CPVL: variants seen among roughly 807,000 people sequenced by gnomAD.
The protein encoded by CPVL is carboxypeptidase vitellogenic like.
A neutral mutation model predicts 63.7 loss-of-function variants in CPVL; 51 were observed. The ratio of observed to expected loss-of-function variants is 0.80; its 90% CI spans 0.64 to 1.01. CPVL has a LOEUF of 1.01. CPVL is among the 50% of genes least tolerant of loss of function. The pLI is 0.00. For synonymous variants in CPVL, 195 were observed against 206.0 expected (o/e 0.95, Z 0.46); for missense variants, 530 against 573.1 (o/e 0.92, Z 0.77).
chr7:29,088,952 C>T (rs185369448), intron 6 of CPVL, among the ~76,000 whole-genome samples: 2,346 of 152,142 alleles, frequency 0.015, 52 homozygotes, highest in Admixed American at 0.03. Context: ...TCCAGCCTGG[C>T]GACATAGTGA....
intron 1 of CPVL, among the ~76,000 whole-genome samples, chr7:29,123,035 G>A (rs1328475347): frequency 6.6e-6 from 1 of 152,032 alleles, no homozygotes; most frequent in African/African-American, 2.4e-5. Flanking sequence ...AAATGAAAGG[G>A]TACTCCACAC....
rs1169055679 is a variant in CPVL at position 29,120,838 on chromosome 7, A to AAC, written c.169+54_169+55insGT. 2.9e-6 allele frequency: 4 copies of AAC among 1,396,520 alleles called. No individual in the cohort carries two copies. The African/African-American group carries it at 4.4e-5, about 16-fold the overall frequency. The allele number at this position is 1,396,520 out of a possible 1,614,324, so 86.5% of individuals were successfully genotyped here. The stretch of plus-strand genomic sequence containing the variant: ...CGTCTCAAAAAAAAAAAAAAAAAAA[A>AAC]GAGAAACTGTTGAACTCATGCCAGT... On this transcript the variant is annotated intron_variant, in intron 2 of 12. Coordinates refer to ENST00000265394, the MANE Select transcript of CPVL (RefSeq NM_031311.5).
intron 7 of CPVL, among the ~76,000 whole-genome samples, chr7:29,077,607 T>C (rs1784356624): frequency 6.6e-6 from 1 of 152,176 alleles, no homozygotes; most frequent in South Asian, 2.1e-4. Context: ...AAAATCCTTC[T>C]TTGAAGAATT....
At position 29,103,183 on chromosome 7, in the gene CPVL, G is replaced by C. The variant is rs1293575751; in HGVS notation, c.289-6966C>G. On this transcript the variant is annotated intron_variant, in intron 3 of 12. Coordinates refer to ENST00000265394, the MANE Select transcript of CPVL (RefSeq NM_031311.5). The stretch of plus-strand genomic sequence containing the variant: ...CTGAAACAGTAAGTTAATATACTGG[G>C]GGGGGGGGGGGGGTGCTAAAAACTT... Among the ~76,000 whole-genome samples the C allele has an allele frequency of 9.3e-3, 290 of 31,126 alleles. 5 individuals carry two copies. The highest frequency in any genetic ancestry group is 0.013 in the Non-Finnish European group (216 of 16,084). 20.4% of individuals were successfully genotyped at this position (31,126 alleles called of 152,430 possible).
chr7:29,107,680 T>C (rs1171446402), intron 3 of CPVL, among the ~76,000 whole-genome samples: 1 of 152,228 alleles, frequency 6.6e-6, no homozygotes, highest in African/African-American at 2.4e-5. Context: ...AGAATCAGAA[T>C]CTCTGCTGGG....
At chr7:29,099,574 T>C (rs1293560526) in intron 3 of CPVL, among the ~76,000 whole-genome samples, 1 of 152,118 alleles carries the variant, frequency 6.6e-6, no homozygotes, top group East Asian at 1.9e-4. Context: ...TAGCTGGGCA[T>C]GGTGGCAGAT....
intron 1 of CPVL, chr7:29,194,268 C>T (rs866883306): frequency 6.6e-6 from 1 of 152,344 alleles, no homozygotes; most frequent in Admixed American, 6.5e-5. Flanking sequence ...GCGCCCGGCC[C>T]CGGCCTCCCC....
intron 5 of CPVL, among the ~76,000 whole-genome samples, chr7:29,155,183 C>T (rs1310677765): frequency 1.3e-5 from 2 of 152,062 alleles, no homozygotes; most frequent in Non-Finnish European, 2.9e-5. Context: ...CAAACCATAT[C>T]ACTCCATCTC....
intron 5 of CPVL, among the ~76,000 whole-genome samples, chr7:29,172,193 G>A (rs1796693162): frequency 6.6e-6 from 1 of 152,038 alleles, no homozygotes; most frequent in Non-Finnish European, 1.5e-5. Context: ...CTTTAATGGG[G>A]CATCTTACTG....
chr7:29,123,628 A>AAAAAAAAAAT (rs1562780901), intron 1 of CPVL, among the ~76,000 whole-genome samples: 1 of 41,754 alleles, frequency 2.4e-5, no homozygotes, highest in Non-Finnish European at 3.9e-5. Flanking sequence ...AAAAAAAAAA[A>AAAAAAAAAAT]ATATATATAT....
intron 5 of CPVL, among the ~76,000 whole-genome samples, chr7:29,159,278 C>T (rs919095301): frequency 5.9e-5 from 9 of 152,172 alleles, no homozygotes; most frequent in African/African-American, 1.4e-4. Context: ...GAAGAGGTCA[C>T]GTGGTTTTCC....
chr7:29,114,789 G>A (rs1788613363), intron 2 of CPVL, among the ~76,000 whole-genome samples: 1 of 152,162 alleles, frequency 6.6e-6, no homozygotes, highest in Admixed American at 6.5e-5. Context: ...TATGGAAGAT[G>A]TACTGCCTGT....
chr7:29,095,907 G>A (rs1309229518), intron 4 of CPVL, among the ~76,000 whole-genome samples, 196 bp downstream of exon 4: 1 of 152,162 alleles, frequency 6.6e-6, no homozygotes, highest in East Asian at 1.9e-4. Flanking sequence ...AATTTCAAGG[G>A]AGAAAGCAGC....
intron 3 of CPVL, among the ~76,000 whole-genome samples, chr7:29,112,163 C>T (rs2128630711): frequency 6.6e-6 from 1 of 152,280 alleles, no homozygotes; most frequent in African/African-American, 2.4e-5. Context: ...TTCTAAAGAT[C>T]CATAGAGTCT....
intron 6 of CPVL, among the ~76,000 whole-genome samples, chr7:29,087,423 CA>C (rs56726137): frequency 1.3e-3 from 91 of 71,396 alleles, no homozygotes; most frequent in Middle Eastern, 8.1e-3. Context: ...GACTCTGTCT[CA>C]AAAAAAAAAA....
chr7:29,063,322 G>A (rs1782812943), intron 11 of CPVL, among the ~76,000 whole-genome samples: 1 of 152,186 alleles, frequency 6.6e-6, no homozygotes, highest in Admixed American at 6.5e-5. Context: ...CTGTGATTGG[G>A]TAAAGTGAAT....
chr7:29,089,142 A>G (rs1163791834), intron 6 of CPVL, among the ~76,000 whole-genome samples: 4 of 152,172 alleles, frequency 2.6e-5, no homozygotes, highest in African/African-American at 9.7e-5. Flanking sequence ...AATTTTAGTT[A>G]AGGGCTCTCT....
intron 9 of CPVL, among the ~76,000 whole-genome samples, chr7:29,071,069 G>C (rs1783684487): frequency 6.6e-6 from 1 of 151,774 alleles, no homozygotes; most frequent in Non-Finnish European, 1.5e-5. Flanking sequence ...CCCTCAGGGA[G>C]ATTGTTTACA....
At chr7:29,009,287 T>A (rs534915502) in intron 12 of CPVL, 1 of 151,624 alleles carries the variant, frequency 6.6e-6, no homozygotes, top group African/African-American at 2.4e-5. Flanking sequence ...TCCTTTAATT[T>A]AATAAGCTCA....
Sources: allele counts gnomAD v4.1 joint callset (sites outside exome capture counted in the v4.1 genomes callset), GRCh38; gene constraint gnomAD v4.1.1; transcripts MANE v1.5; gene names NCBI Gene and HGNC (gene_info 2026-07-23, HGNC 2026-07-21).